The following ALK variants were observed in gnomAD, a reference collection of about 807,000 sequenced individuals.
The protein encoded by ALK is ALK receptor tyrosine kinase.
In ALK, 74 loss-of-function variants were observed where a neutral mutation model predicts 163.1. The ratio of observed to expected loss-of-function variants is 0.45; its 90% CI spans 0.38 to 0.55. The LOEUF (loss-of-function observed/expected upper bound fraction) is 0.55, where lower values mean the gene tolerates loss of function less well. Ranked by LOEUF, ALK falls within the 20% of genes least tolerant of loss-of-function variation. The pLI, the probability that ALK is intolerant of heterozygous loss-of-function variation, is 0.00. For missense variants in ALK, 2,063 were observed against 2,105.3 expected (o/e 0.98, Z 0.39); for synonymous variants, 960 against 843.2 (o/e 1.14, Z -2.40).
intron 4 of ALK, among the ~76,000 whole-genome samples, chr2:29,512,337 T>C (rs534844237): frequency 0.013 from 1,977 of 149,188 alleles, 56 homozygotes; most frequent in African/African-American, 0.047. Context: ...GCAAGGCTGG[T>C]TCAATATACG....
chr2:29,313,931 A>C (rs191692511), intron 8 of ALK, among the ~76,000 whole-genome samples: 3 of 152,200 alleles, frequency 2.0e-5, no homozygotes, highest in African/African-American at 7.2e-5. Flanking sequence ...GAGTTTAATA[A>C]ACTTTAAAAA....
In ALK at chr2:29,413,424, G is replaced by A. The variant is rs189744668; in HGVS notation, c.1155-29565C>T. On this transcript the variant is annotated intron_variant, in intron 4 of 28. Transcript: ENST00000389048. ...TGCAGTGGCACGATCTTGACTCACTGCAACCTCCGCCTCCCAGGTTCAATT... is the reference window on the plus strand; with the variant it reads ...TGCAGTGGCACGATCTTGACTCACTACAACCTCCGCCTCCCAGGTTCAATT... 2.0e-5 allele frequency among the ~76,000 whole-genome samples: 3 copies of A among 152,020 alleles called. No homozygotes were observed. In the East Asian group the frequency reaches 5.8e-4, roughly 29 times the overall value.
At chr2:29,412,530 T>C (rs1292458317) in intron 4 of ALK, among the ~76,000 whole-genome samples, 1 of 152,180 alleles carries the variant, frequency 6.6e-6, no homozygotes, top group Non-Finnish European at 1.5e-5. Context: ...CTTTCAGGCA[T>C]CCATTTCCAG....
Position 29,320,821 on chromosome 2 carries a change from G to T in ALK, c.1476C>A (p.Gly492=), listed in dbSNP as rs1667014321. ...FEDGFCGWTQ[G]TLSPHTPQWQ... is the part of the protein sequence containing the mutation. ...ATTGAGGAGTGTGGGGTGACAGTGT[G>T]CCTTGGGTCCAGCCACAGAAGCCAT... Residue 492 remains glycine (G), a synonymous_variant, in exon 7 of 29, where the codon GGC becomes GGA. Transcript: ENST00000389048. 1 of 1,614,140 alleles carries T rather than the reference G, an allele frequency of 6.2e-7. No homozygotes were observed. The highest frequency in any genetic ancestry group is 1.7e-5 in the Admixed American group (1 of 60,028).
intron 2 of ALK, among the ~76,000 whole-genome samples, chr2:29,704,938 G>A (rs1042421327): frequency 1.3e-5 from 2 of 151,908 alleles, no homozygotes; most frequent in African/African-American, 4.8e-5. Context: ...TAATGATTTT[G>A]ATAAAAATAA....
chr2:29,683,561 C>A (rs1678146068), intron 3 of ALK, among the ~76,000 whole-genome samples: 1 of 152,158 alleles, frequency 6.6e-6, no homozygotes, highest in African/African-American at 2.4e-5. Context: ...GTAGAAAGAG[C>A]TGGACAGTGA....
chr2:29,730,514 C>T (rs1679710869), intron 1 of ALK, among the ~76,000 whole-genome samples: 1 of 152,104 alleles, frequency 6.6e-6, no homozygotes, highest in African/African-American at 2.4e-5. Context: ...GCCAATGACA[C>T]ACCCCACAAA....
At chr2:29,408,339 C>T (rs1291639501) in intron 4 of ALK, among the ~76,000 whole-genome samples, 8 of 151,960 alleles carry the variant, frequency 5.3e-5, no homozygotes, top group Admixed American at 1.3e-4. Flanking sequence ...CCGCCTGCCT[C>T]GGCCTCCCCA....
At chr2:29,683,412 C>T (rs181987916) in intron 3 of ALK, among the ~76,000 whole-genome samples, 13 of 151,526 alleles carry the variant, frequency 8.6e-5, no homozygotes, top group African/African-American at 2.7e-4. Flanking sequence ...AAAACAAAAA[C>T]AAAAAAAATG....
At chr2:29,594,894 T>TGG (rs1170679687) in intron 3 of ALK, among the ~76,000 whole-genome samples, 266 of 20,524 alleles carry the variant, frequency 0.013, 4 homozygotes, top group Non-Finnish European at 0.016. Context: ...TAAACAAAAA[T>TGG]GGGGGGTGGG....
intron 3 of ALK, among the ~76,000 whole-genome samples, chr2:29,544,082 T>C (rs1673485922): frequency 6.6e-6 from 1 of 152,224 alleles, no homozygotes; most frequent in Non-Finnish European, 1.5e-5. Flanking sequence ...CTGCTATTAC[T>C]CTTTCAGTTG....
intron 4 of ALK, among the ~76,000 whole-genome samples, chr2:29,441,810 C>G (rs374754770): frequency 1.1e-4 from 16 of 152,176 alleles, no homozygotes; most frequent in African/African-American, 3.9e-4. Context: ...GGACTATCCA[C>G]TGTTCCTCTG....
At chr2:29,512,684 A>G (rs1266375873) in intron 4 of ALK, among the ~76,000 whole-genome samples, 3 of 150,492 alleles carry the variant, frequency 2.0e-5, no homozygotes, top group Admixed American at 6.6e-5. Context: ...AGGGTATTCA[A>G]TTAGGAAAAG....
At chr2:29,713,586 C>A (rs1432651940) in intron 2 of ALK, among the ~76,000 whole-genome samples, 1 of 152,142 alleles carries the variant, frequency 6.6e-6, no homozygotes, top group Non-Finnish European at 1.5e-5. Flanking sequence ...GGCATGCTCT[C>A]CAGGCAGGGA....
chr2:29,667,637 T>G (rs1225058357), intron 3 of ALK, among the ~76,000 whole-genome samples: 1 of 152,090 alleles, frequency 6.6e-6, no homozygotes, highest in Non-Finnish European at 1.5e-5. Context: ...CTGGGATAAA[T>G]CCCACTTGGT....
rs543235449 is a variant in ALK at position 29,729,085 on chromosome 2, C to T, written c.668-11388G>A. ...CTCAGTCTGTTGGCCAACTTTCCTGCAGGGAAGAGGCCTGGAACCCAGCCA... is the reference window on the plus strand; with the variant it reads ...CTCAGTCTGTTGGCCAACTTTCCTGTAGGGAAGAGGCCTGGAACCCAGCCA... On this transcript the variant is annotated intron_variant, in intron 1 of 28. Coordinates refer to ENST00000389048, the MANE Select transcript of ALK (RefSeq NM_004304.5). 6.6e-4 allele frequency among the ~76,000 whole-genome samples: 101 copies of T among 152,328 alleles called. 1 individual carries two copies. Among genetic ancestry groups the T allele is most frequent in the African/African-American group, 2.4e-3 (101 of 41,568 alleles).
intron 5 of ALK, among the ~76,000 whole-genome samples, chr2:29,335,901 G>A (rs1209378710): frequency 3.9e-5 from 6 of 152,166 alleles, no homozygotes; most frequent in African/African-American, 2.4e-5. Context: ...TTAGCTGGGC[G>A]TGGTCATGGA....
At chr2:29,826,940 T>C (rs1455268420) in intron 1 of ALK, among the ~76,000 whole-genome samples, 4 of 152,260 alleles carry the variant, frequency 2.6e-5, no homozygotes, top group East Asian at 3.8e-4. Context: ...TAAAGGGGCA[T>C]GTTAATAGTG....
chr2:29,910,823 C>T (rs1269841304), intron 1 of ALK, among the ~76,000 whole-genome samples: 3 of 152,070 alleles, frequency 2.0e-5, no homozygotes, highest in Non-Finnish European at 4.4e-5. Flanking sequence ...AATAGCACAA[C>T]ATTAAATATT....
Sources: gnomAD v4.1 joint callset for allele counts (sites outside exome capture counted in the v4.1 genomes callset) on GRCh38, gnomAD v4.1.1 for gene constraint, MANE v1.5 for transcripts, NCBI Gene and HGNC (gene_info 2026-07-23, HGNC 2026-07-21) for gene names.